The following FBXL7 variants were observed in gnomAD, a reference collection of about 807,000 sequenced individuals.
The protein encoded by FBXL7 is F-box and leucine rich repeat protein 7.
In FBXL7, 12 loss-of-function variants were observed where a neutral mutation model predicts 38.3. That is an observed-to-expected ratio of 0.31 (90% CI 0.20 to 0.51). The LOEUF (loss-of-function observed/expected upper bound fraction) is 0.51. FBXL7 is among the 20% of genes least tolerant of loss of function. FBXL7 has a pLI of 0.98. For missense variants in FBXL7, 567 were observed against 676.4 expected (o/e 0.84, Z 1.79); for synonymous variants, 297 against 300.9 (o/e 0.99, Z 0.13).
chr5:15,760,543 G>A (rs1736414899), intron 2 of FBXL7, among the ~76,000 whole-genome samples: 1 of 151,744 alleles, frequency 6.6e-6, no homozygotes, highest in Admixed American at 6.6e-5. Context: ...CTAACACATT[G>A]AGCTTTACCT....
chr5:15,709,593 A>G (rs906188106), intron 2 of FBXL7, among the ~76,000 whole-genome samples: 2 of 133,492 alleles, frequency 1.5e-5, no homozygotes, highest in African/African-American at 5.5e-5. Context: ...TACAGACAGA[A>G]TCAGGCCACT....
intron 2 of FBXL7, among the ~76,000 whole-genome samples, chr5:15,657,135 T>TA (rs1741910477): frequency 1.3e-5 from 2 of 152,198 alleles, no homozygotes; most frequent in South Asian, 4.1e-4. Context: ...CTTAATGTTA[T>TA]AAAAATGTCA....
chr5:15,613,870 G>A (rs1039905097), intron 1 of FBXL7, among the ~76,000 whole-genome samples: 1 of 152,150 alleles, frequency 6.6e-6, no homozygotes, highest in African/African-American at 2.4e-5. Context: ...AGACCGACAA[G>A]TCAAAGATCA....
intron 2 of FBXL7, among the ~76,000 whole-genome samples, chr5:15,768,080 G>A (rs1343449876): frequency 6.6e-6 from 1 of 152,154 alleles, no homozygotes; most frequent in South Asian, 2.1e-4. Flanking sequence ...ACAGTTTAGT[G>A]TCAGCAGCAG....
chr5:15,884,152 T>C (rs1487304183), intron 2 of FBXL7, among the ~76,000 whole-genome samples: 4 of 152,230 alleles, frequency 2.6e-5, no homozygotes, highest in African/African-American at 9.6e-5. Flanking sequence ...ACCATCTCCC[T>C]GCCTGCTCAC....
intron 2 of FBXL7, among the ~76,000 whole-genome samples, chr5:15,880,141 C>T (rs1740380852): frequency 6.6e-6 from 1 of 152,164 alleles, no homozygotes. Flanking sequence ...GCTACTATTA[C>T]CTCTGGAAGT....
At chr5:15,776,516 G>C (rs1736861545) in intron 2 of FBXL7, among the ~76,000 whole-genome samples, 1 of 152,088 alleles carries the variant, frequency 6.6e-6, no homozygotes. Context: ...GCTTCCCCTA[G>C]CATTGGCCTG....
chr5:15,653,925 G>T (rs1400945210), intron 2 of FBXL7, among the ~76,000 whole-genome samples: 2 of 152,262 alleles, frequency 1.3e-5, no homozygotes, highest in East Asian at 3.9e-4. Flanking sequence ...TTTTTCTTCA[G>T]TGTGGTATTT....
intron 1 of FBXL7, among the ~76,000 whole-genome samples, chr5:15,572,448 G>A (rs538107919): frequency 6.7e-6 from 1 of 149,992 alleles, no homozygotes; most frequent in East Asian, 2.0e-4. Context: ...TTACAGATGT[G>A]TTCCACTGGC....
At chr5:15,525,765 C>A (rs968287630) in intron 1 of FBXL7, among the ~76,000 whole-genome samples, 1 of 152,108 alleles carries the variant, frequency 6.6e-6, no homozygotes, top group African/African-American at 2.4e-5. Context: ...GACTTTTGAA[C>A]AATTTGAGCT....
chr5:15,672,583 G>A (rs1328905116), intron 2 of FBXL7, among the ~76,000 whole-genome samples: 4 of 138,440 alleles, frequency 2.9e-5, no homozygotes, highest in Non-Finnish European at 4.6e-5. Context: ...TTGAGATGAA[G>A]TCTTACTGTC....
chr5:15,821,198 A>C (rs1289990053), intron 2 of FBXL7, among the ~76,000 whole-genome samples: 1 of 152,254 alleles, frequency 6.6e-6, no homozygotes, highest in Non-Finnish European at 1.5e-5. Flanking sequence ...GAGTCATTTT[A>C]CTTATACTAC....
rs189356946 is a variant in FBXL7, at chr5:15,886,676, G to A, written c.128-41214G>A. Among the ~76,000 whole-genome samples the A allele has an allele frequency of 2.8e-3, 430 of 152,192 alleles. 3 individuals carry two copies. The highest frequency in any genetic ancestry group is 0.01 in the African/African-American group (419 of 41,536). On this transcript the variant is annotated intron_variant, in intron 2 of 3. Transcript: ENST00000504595. Reference sequence around the variant, plus strand: ...TGGGCTTTTCACCCTATAAACCAAGGATCTTCCACTTCCCTTAACTAGCAG... The same window carrying A: ...TGGGCTTTTCACCCTATAAACCAAGAATCTTCCACTTCCCTTAACTAGCAG...
At chr5:15,727,782 C>T (rs1362917493) in intron 2 of FBXL7, among the ~76,000 whole-genome samples, 2 of 151,988 alleles carry the variant, frequency 1.3e-5, no homozygotes, top group South Asian at 4.1e-4. Flanking sequence ...GGGAAGTTTC[C>T]AGCCATTACT....
At chr5:15,532,419 C>G (rs1359746545) in intron 1 of FBXL7, among the ~76,000 whole-genome samples, 2 of 152,250 alleles carry the variant, frequency 1.3e-5, no homozygotes, top group Non-Finnish European at 2.9e-5. Context: ...TATTCTGAAT[C>G]AAGCACTTGG....
chr5:15,782,952 A>T (rs1409215373), intron 2 of FBXL7, among the ~76,000 whole-genome samples: 1 of 152,142 alleles, frequency 6.6e-6, no homozygotes, highest in Non-Finnish European at 1.5e-5. Flanking sequence ...TTTATTTGAC[A>T]GTTGCAATAA....
At chr5:15,531,079 ATAT>A (rs1737406854) in intron 1 of FBXL7, among the ~76,000 whole-genome samples, 1 of 152,234 alleles carries the variant, frequency 6.6e-6, no homozygotes, top group African/African-American at 2.4e-5. Context: ...GTGCATGAAA[ATAT>A]TATCAAGAGC....
intron 2 of FBXL7, among the ~76,000 whole-genome samples, chr5:15,627,540 A>T (rs775854620): frequency 2.0e-5 from 3 of 152,208 alleles, no homozygotes; most frequent in Non-Finnish European, 2.9e-5. Flanking sequence ...TAACTAAAAC[A>T]TGGGGTTACA....
At chr5:15,587,906 T>G (rs945884432) in intron 1 of FBXL7, among the ~76,000 whole-genome samples, 1 of 152,214 alleles carries the variant, frequency 6.6e-6, no homozygotes, top group Non-Finnish European at 1.5e-5. Context: ...TCCTTTAATT[T>G]CTCCATCCCC....
Sources: gnomAD v4.1 joint callset for allele counts (sites outside exome capture counted in the v4.1 genomes callset) on GRCh38, gnomAD v4.1.1 for gene constraint, MANE v1.5 for transcripts, NCBI Gene and HGNC (gene_info 2026-07-23, HGNC 2026-07-21) for gene names.